LRRC3B: variants seen among roughly 807,000 people sequenced by gnomAD.
LRRC3B encodes leucine-rich repeat-containing protein 3B.
In LRRC3B, 2 loss-of-function variants were observed where a neutral mutation model predicts 12.8. The observed-to-expected ratio is 0.16, with a 90% confidence interval of 0.06 to 0.49. LRRC3B has a LOEUF of 0.49. Among genes scored for constraint, LRRC3B ranks in the 20% least tolerant of loss-of-function variants. LRRC3B has a pLI of 0.96. For missense variants in LRRC3B, 189 were observed against 319.4 expected (o/e 0.59, Z 3.11); for synonymous variants, 132 against 122.0 (o/e 1.08, Z -0.54).
chr3:26,687,491 C>T lies in LRRC3B; in HGVS notation c.-160-22022C>T, dbSNP rs572135513. ...AAAATTTGGGCTTCTCTGTGTGGCA[C>T]GCTGCCGCTGAGCATATAATTGCTT... On this transcript the variant is annotated intron_variant, in intron 1 of 1. Coordinates refer to ENST00000396641, the Ensembl canonical transcript of LRRC3B. Among the ~76,000 whole-genome samples, 15 of 152,270 alleles carry T rather than the reference C, an allele frequency of 9.9e-5. No homozygotes were observed. In the East Asian group the frequency reaches 1.4e-3, roughly 14 times the overall value.
intron 1 of LRRC3B, among the ~76,000 whole-genome samples, chr3:26,691,464 C>G (rs906360740): frequency 6.6e-6 from 1 of 152,054 alleles, no homozygotes; most frequent in Non-Finnish European, 1.5e-5. Context: ...TAAGCTGTCT[C>G]AACTCCAAGC....
At chr3:26,707,046 A>G (rs1452084721) in intron 1 of LRRC3B, among the ~76,000 whole-genome samples, 2 of 152,022 alleles carry the variant, frequency 1.3e-5, no homozygotes, top group African/African-American at 4.8e-5. Context: ...AAAAGCATCG[A>G]ACTTTTACTA....
At chr3:26,625,020 C>A (rs780401275) in intron 1 of LRRC3B, 4 of 152,394 alleles carry the variant, frequency 2.6e-5, no homozygotes, top group Non-Finnish European at 4.4e-5. Context: ...ATGCTCCTCT[C>A]CCAGAGGTGC....
intron 1 of LRRC3B, among the ~76,000 whole-genome samples, chr3:26,708,694 C>T (rs1575186271): frequency 6.6e-6 from 1 of 152,188 alleles, no homozygotes; most frequent in Non-Finnish European, 1.5e-5. Flanking sequence ...CCTGCCAACA[C>T]TAACAGTATA....
At chr3:26,709,612 C>T (rs1700697414) in exon 2 of LRRC3B, 1 of 1,546,626 alleles carries the variant, frequency 6.5e-7, no homozygotes, top group South Asian at 1.2e-5. Flanking sequence ...AGGGCTGGAA[C>T]CTTTACCACG....
intron 1 of LRRC3B, among the ~76,000 whole-genome samples, chr3:26,699,497 G>A (rs184056681): frequency 6.6e-6 from 1 of 152,144 alleles, no homozygotes; most frequent in East Asian, 1.9e-4. Flanking sequence ...CTTCATTTTG[G>A]ATCTCAATCC....
intron 1 of LRRC3B, among the ~76,000 whole-genome samples, chr3:26,634,403 A>T (rs1698821735): frequency 6.6e-6 from 1 of 152,228 alleles, no homozygotes; most frequent in African/African-American, 2.4e-5. Context: ...GTTAATTTTA[A>T]CAATAGATGG....
chr3:26,682,058 T>A (rs150554984), intron 1 of LRRC3B, among the ~76,000 whole-genome samples: 4,775 of 152,160 alleles, frequency 0.031, 117 homozygotes, highest in South Asian at 0.049. Context: ...CTTAATAAAA[T>A]TTATATGAAT....
exon 2 of LRRC3B, chr3:26,710,230 C>T (rs766409793): frequency 1.2e-6 from 2 of 1,613,534 alleles, no homozygotes; most frequent in African/African-American, 1.3e-5. Flanking sequence ...GACCATTCCT[C>T]AATGCTGCCA....
chr3:26,660,747 G>A (rs1699475582), intron 1 of LRRC3B, among the ~76,000 whole-genome samples: 1 of 152,102 alleles, frequency 6.6e-6, no homozygotes, highest in Non-Finnish European at 1.5e-5. Flanking sequence ...TAGAATAATG[G>A]TCAAAGATGT....
chr3:26,671,400 A>AGAGAGAGAGAGAGAGAGG (rs1205520032), intron 1 of LRRC3B, among the ~76,000 whole-genome samples: 6 of 126,970 alleles, frequency 4.7e-5, no homozygotes, highest in African/African-American at 1.9e-4. Context: ...AGAGAGAGAG[A>AGAGAGAGAGAGAGAGAGG]GAGAGAGAGA....
chr3:26,692,934 C>T (rs1034693598), intron 1 of LRRC3B, among the ~76,000 whole-genome samples: 11 of 152,234 alleles, frequency 7.2e-5, no homozygotes, highest in African/African-American at 2.4e-4. Flanking sequence ...TGGCTCTAGG[C>T]TGGGATACCT....
At chr3:26,707,808 G>A (rs1700639103) in intron 1 of LRRC3B, among the ~76,000 whole-genome samples, 1 of 151,112 alleles carries the variant, frequency 6.6e-6, no homozygotes, top group Admixed American at 6.6e-5. Flanking sequence ...TAGATTCCTA[G>A]AGTCCCCAAG....
At chr3:26,659,014 G>A (rs1699436515) in intron 1 of LRRC3B, among the ~76,000 whole-genome samples, 1 of 152,196 alleles carries the variant, frequency 6.6e-6, no homozygotes, top group Admixed American at 6.5e-5. Flanking sequence ...GGAGTTTCAG[G>A]AAATGCTGAT....
At chr3:26,630,734 A>G (rs1339329249) in intron 1 of LRRC3B, among the ~76,000 whole-genome samples, 1 of 152,148 alleles carries the variant, frequency 6.6e-6, no homozygotes, top group East Asian at 1.9e-4. Context: ...AAGTTCATGG[A>G]TGCCTTGAAT....
chr3:26,629,855 AG>A, intron 1 of LRRC3B, among the ~76,000 whole-genome samples: 1 of 151,764 alleles, frequency 6.6e-6, no homozygotes, highest in East Asian at 1.9e-4. Flanking sequence ...AACCTGTGAA[AG>A]GGGTATGGTG....
chr3:26,631,452 A>G (rs2125400420), intron 1 of LRRC3B, among the ~76,000 whole-genome samples: 1 of 152,312 alleles, frequency 6.6e-6, no homozygotes, highest in Non-Finnish European at 1.5e-5. Flanking sequence ...TAGATGGAGA[A>G]CCATGGGAAA....
At chr3:26,707,065 G>T (rs946021373) in intron 1 of LRRC3B, among the ~76,000 whole-genome samples, 1 of 151,844 alleles carries the variant, frequency 6.6e-6, no homozygotes, top group African/African-American at 2.4e-5. Flanking sequence ...TACCAATTTC[G>T]TACTGTGCTA....
At chr3:26,705,817 A>C (rs1474339296) in intron 1 of LRRC3B, among the ~76,000 whole-genome samples, 1 of 152,088 alleles carries the variant, frequency 6.6e-6, no homozygotes, top group African/African-American at 2.4e-5. Flanking sequence ...TTCCTTTTCC[A>C]ACAGCCACTG....
Sources: gnomAD v4.1 joint callset for allele counts (sites outside exome capture counted in the v4.1 genomes callset) on GRCh38, gnomAD v4.1.1 for gene constraint, MANE v1.5 for transcripts, NCBI Gene and HGNC (gene_info 2026-07-23, HGNC 2026-07-21) for gene names.